Variants in ITGA9 observed in about 807,000 individuals in gnomAD.
ITGA9 encodes integrin subunit alpha 9, also known as integrin alpha-9.
Under a neutral mutation model 127.8 loss-of-function variants are expected in ITGA9, and 56 were observed. The observed-to-expected ratio is 0.44, with a 90% CI of 0.35 to 0.55. The LOEUF is 0.55. ITGA9 is among the 20% of genes least tolerant of loss of function. ITGA9 has a pLI of 0.00. For synonymous variants in ITGA9, 508 were observed against 514.5 expected (o/e 0.99, Z 0.17); for missense variants, 1,196 against 1,347.1 (o/e 0.89, Z 1.76).
chr3:37,792,375 T>A (rs1697121871), intron 26 of ITGA9, among the ~76,000 whole-genome samples: 1 of 152,188 alleles, frequency 6.6e-6, no homozygotes, highest in Admixed American at 6.5e-5. Flanking sequence ...GAATTCTATT[T>A]CCAGTTGAGG....
chr3:37,600,690 C>T (rs906847426), intron 15 of ITGA9, among the ~76,000 whole-genome samples: 1 of 152,172 alleles, frequency 6.6e-6, no homozygotes, highest in Non-Finnish European at 1.5e-5. Context: ...TCCTCAGAGC[C>T]AGCCTTAAAG....
chr3:37,552,649 G>A (rs556901471), intron 15 of ITGA9, among the ~76,000 whole-genome samples: 6 of 152,104 alleles, frequency 3.9e-5, no homozygotes, highest in Non-Finnish European at 8.8e-5. Context: ...TCTCTTGGGC[G>A]TATGCGTGTG....
chr3:37,631,724 G>A (rs1260851772), intron 16 of ITGA9, among the ~76,000 whole-genome samples: 1 of 152,134 alleles, frequency 6.6e-6, no homozygotes, highest in African/African-American at 2.4e-5. Context: ...GTTACAGAGG[G>A]GGCCAGAGTA....
At position 37,606,858 on chromosome 3, in the gene ITGA9, C is replaced by A. The variant is rs187841027; in HGVS notation, c.1690-22329C>A. On this transcript the variant is annotated intron_variant, in intron 15 of 27. Coordinates refer to ENST00000264741, the MANE Select transcript of ITGA9 (RefSeq NM_002207.3). ...CCTCAGTGAGAGTATTTGTCACTTC[C>A]TACTCTTGGTGTTTAATATCATCCC... Among the ~76,000 whole-genome samples, 198 of 151,986 alleles carry A rather than the reference C, an allele frequency of 1.3e-3. 1 individual carries two copies. Among genetic ancestry groups the A allele is most frequent in the Non-Finnish European group, 2.2e-3 (150 of 67,962 alleles).
chr3:37,712,683 C>T (rs1701091825), intron 18 of ITGA9, among the ~76,000 whole-genome samples: 1 of 152,158 alleles, frequency 6.6e-6, no homozygotes, highest in Non-Finnish European at 1.5e-5. Context: ...GGCTCTCTGT[C>T]CCTTCAGGGT....
At chr3:37,459,066 C>T (rs935059911) in intron 1 of ITGA9, among the ~76,000 whole-genome samples, 3 of 152,188 alleles carry the variant, frequency 2.0e-5, no homozygotes, top group Non-Finnish European at 4.4e-5. Flanking sequence ...TTTGAAACCA[C>T]GGGCTCACTT....
rs1009227425 is a variant in ITGA9 at position 37,688,856 on chromosome 3, G to A, written c.2067+4841G>A. On this transcript the variant is annotated intron_variant, in intron 18 of 27. Transcript: ENST00000264741. ...GGTGGCTGAATGGTTAGATAGGTAG[G>A]TAGGTAGATGACTGGCTGGGTGACT... 1.4e-4 allele frequency among the ~76,000 whole-genome samples: 21 copies of A among 151,994 alleles called. 1 individual carries two copies. Among genetic ancestry groups the A allele is most frequent in the African/African-American group, 4.6e-4 (19 of 41,384 alleles).
At chr3:37,780,172 G>C in intron 25 of ITGA9, 151 bp downstream of exon 25, 2 of 867,064 alleles carry the variant, frequency 2.3e-6, no homozygotes, top group Non-Finnish European at 3.7e-6. Context: ...GTCTACAAGA[G>C]ACTGTTTTTA....
At chr3:37,639,905 G>A (rs187162010) in intron 16 of ITGA9, among the ~76,000 whole-genome samples, 2 of 152,264 alleles carry the variant, frequency 1.3e-5, no homozygotes, top group East Asian at 3.9e-4. Flanking sequence ...TCCTTGGACT[G>A]GTCACCTGAA....
chr3:37,539,492 T>C (rs1459694520), intron 14 of ITGA9, among the ~76,000 whole-genome samples: 1 of 152,208 alleles, frequency 6.6e-6, no homozygotes, highest in African/African-American at 2.4e-5. Context: ...GCCAGTAGGC[T>C]GGAGACTCAG....
chr3:37,453,409 A>G (rs1298345652), intron 1 of ITGA9, among the ~76,000 whole-genome samples: 3 of 152,174 alleles, frequency 2.0e-5, no homozygotes, highest in Non-Finnish European at 4.4e-5. Flanking sequence ...ATTAAGCACC[A>G]TAAGCCGAGT....
chr3:37,729,864 C>A (rs990026540), intron 18 of ITGA9, among the ~76,000 whole-genome samples: 3 of 152,010 alleles, frequency 2.0e-5, no homozygotes, highest in Non-Finnish European at 2.9e-5. Flanking sequence ...CCACCACACC[C>A]AGCTAATTTT....
chr3:37,471,552 C>T (rs566300877), intron 2 of ITGA9, among the ~76,000 whole-genome samples: 2 of 152,256 alleles, frequency 1.3e-5, no homozygotes, highest in African/African-American at 4.8e-5. Flanking sequence ...TTTGGAAGCA[C>T]AGAGCGAGGT....
At chr3:37,480,106 G>T (rs1195621185) in intron 3 of ITGA9, among the ~76,000 whole-genome samples, 1 of 152,128 alleles carries the variant, frequency 6.6e-6, no homozygotes, top group Non-Finnish European at 1.5e-5. Context: ...GGCTGGGCAG[G>T]GTAGAGTGTG....
chr3:37,657,678 A>G (rs567305238), intron 17 of ITGA9, among the ~76,000 whole-genome samples: 4 of 145,684 alleles, frequency 2.7e-5, no homozygotes, highest in African/African-American at 5.0e-5. Flanking sequence ...AGGGTTTTTC[A>G]TGTCTCTATC....
Position 37,743,910 on chromosome 3 carries a change from T to A in ITGA9, c.2325-16T>A. The A allele has an allele frequency of 6.3e-7, 1 of 1,576,454 alleles. No individual in the cohort carries two copies. Reference sequence around the variant, plus strand: ...CTGTGGGTGGGGATGACAGATTTCATGCTTTCCTCTTTCAGAATCATGTCT... The same window carrying A: ...CTGTGGGTGGGGATGACAGATTTCAAGCTTTCCTCTTTCAGAATCATGTCT... On this transcript the variant is annotated splice_polypyrimidine_tract_variant and intron_variant, in intron 21 of 27. Transcript: ENST00000264741.
At chr3:37,816,001 G>A (rs1697427621) in intron 27 of ITGA9, among the ~76,000 whole-genome samples, 1 of 152,158 alleles carries the variant, frequency 6.6e-6, no homozygotes, top group African/African-American at 2.4e-5. Flanking sequence ...AATTGGAAGT[G>A]TGCACAGCCC....
At chr3:37,765,032 G>T (rs1047805192) in intron 23 of ITGA9, among the ~76,000 whole-genome samples, 2 of 152,162 alleles carry the variant, frequency 1.3e-5, no homozygotes, top group African/African-American at 4.8e-5. Flanking sequence ...AACACCATGA[G>T]AGTAAAGGGC....
chr3:37,575,262 G>T (rs980138984), intron 15 of ITGA9, among the ~76,000 whole-genome samples: 1 of 152,108 alleles, frequency 6.6e-6, no homozygotes, highest in Non-Finnish European at 1.5e-5. Context: ...GCAGAGTGCC[G>T]CAAGGAGGAG....
Sources: gnomAD v4.1 joint callset for allele counts (sites outside exome capture counted in the v4.1 genomes callset) on GRCh38, gnomAD v4.1.1 for gene constraint, MANE v1.5 for transcripts, NCBI Gene and HGNC (gene_info 2026-07-23, HGNC 2026-07-21) for gene names.